The following GNG7 variants were observed in gnomAD, a reference collection of about 807,000 sequenced individuals.
The protein encoded by GNG7 is guanine nucleotide-binding protein G(I)/G(S)/G(O) subunit gamma-7.
GNG7 carries 1 observed loss-of-function variant against 4.0 expected under a neutral mutation model. That is an observed-to-expected ratio of 0.25 (90% CI 0.09 to 1.18). The LOEUF is 1.18. GNG7 is among the 50% of genes most tolerant of loss of function. The pLI is 0.50. For missense variants in GNG7, 86 were observed against 91.9 expected, an observed-to-expected ratio of 0.94 and a Z score of 0.26; for synonymous variants, 34 against 36.9, an observed-to-expected ratio of 0.92 and a Z score of 0.29.
In GNG7 at chr19:2,573,212, G is replaced by A. The variant is rs563736376; in HGVS notation, c.-77-18024C>T. Among the ~76,000 whole-genome samples, 10 of 151,044 alleles carry A rather than the reference G, an allele frequency of 6.6e-5. No individual in the cohort carries two copies. In the East Asian group the frequency reaches 1.6e-3, roughly 24 times the overall value. On this transcript the variant is annotated intron_variant, in intron 2 of 4. Coordinates refer to ENST00000382159, the MANE Select transcript of GNG7 (RefSeq NM_052847.3). Reference sequence around the variant, plus strand: ...AATTTTTTGTATTTTTAGTAGCGACGGGGTTTCACCATGCTGCCCAGGCTG... The same window carrying A: ...AATTTTTTGTATTTTTAGTAGCGACAGGGTTTCACCATGCTGCCCAGGCTG...
At chr19:2,568,860 AC>A (rs1980052304) in intron 2 of GNG7, among the ~76,000 whole-genome samples, 1 of 152,118 alleles carries the variant, frequency 6.6e-6, no homozygotes, top group Non-Finnish European at 1.5e-5. Flanking sequence ...ACACAAATAT[AC>A]ACACAAGTAC....
intron 1 of GNG7, among the ~76,000 whole-genome samples, chr19:2,652,849 G>C (rs1398461429): frequency 6.6e-6 from 1 of 152,168 alleles, no homozygotes; most frequent in African/African-American, 2.4e-5. Context: ...TTGGGAGGTT[G>C]AGGTGGGAGG....
chr19:2,657,351 AAAAAAAAAAAATATATATATAT>A (rs57506478), intron 1 of GNG7, among the ~76,000 whole-genome samples: 269 of 21,878 alleles, frequency 0.012, 28 homozygotes, highest in African/African-American at 0.023. Context: ...AAAAAAAAAA[AAAAAAAAAAAATATATATATAT>A]ATATATATAT....
At position 2,588,562 on chromosome 19, in the gene GNG7, C is replaced by T. The variant is rs576451212; in HGVS notation, c.-77-33374G>A. ...GGCGGCGGCAGCTGGACGCGGGCCC[C>T]GTGGAACTTTCTCCCGTCAGTCAGG... On this transcript the variant is annotated intron_variant, in intron 2 of 4. Transcript: ENST00000382159. Among the ~76,000 whole-genome samples the T allele has an allele frequency of 3.9e-5, 6 of 152,342 alleles. No individual in the cohort carries two copies. The East Asian group carries it at 9.6e-4, about 24-fold the overall frequency.
chr19:2,615,629 A>ATTTTTTTTTTTTTTTTTTT (rs1195029403), intron 2 of GNG7, among the ~76,000 whole-genome samples: 3 of 149,416 alleles, frequency 2.0e-5, no homozygotes, highest in Non-Finnish European at 4.5e-5. Context: ...CGCCTGGCTA[A>ATTTTTTTTTTTTTTTTTTT]TTTTTTTGTA....
At chr19:2,586,414 A>G (rs112915933) in intron 2 of GNG7, among the ~76,000 whole-genome samples, 1 of 152,174 alleles carries the variant, frequency 6.6e-6, no homozygotes, top group Non-Finnish European at 1.5e-5. Flanking sequence ...CGAGGGCCGC[A>G]AATGGGGAAT....
intron 2 of GNG7, among the ~76,000 whole-genome samples, chr19:2,605,804 A>G (rs1981367619): frequency 6.6e-6 from 1 of 151,950 alleles, no homozygotes; most frequent in South Asian, 2.1e-4. Flanking sequence ...GAGCCACCGC[A>G]GCCTGCCAAA....
intron 2 of GNG7, among the ~76,000 whole-genome samples, chr19:2,646,001 A>G (rs891699253): frequency 2.0e-5 from 3 of 152,116 alleles, no homozygotes; most frequent in African/African-American, 7.2e-5. Context: ...AGGACCAGTG[A>G]GTGCCACGTT....
intron 4 of GNG7, among the ~76,000 whole-genome samples, chr19:2,519,376 G>C (rs1029669216): frequency 2.0e-5 from 3 of 151,306 alleles, no homozygotes; most frequent in African/African-American, 7.3e-5. Flanking sequence ...GGCTGGTCTC[G>C]AACCCCTGAC....
intron 2 of GNG7, among the ~76,000 whole-genome samples, chr19:2,589,121 T>C (rs1599408159): frequency 6.6e-6 from 1 of 151,240 alleles, no homozygotes; most frequent in East Asian, 2.0e-4. Flanking sequence ...AGAGATGGGG[T>C]TTCTCCACCT....
At chr19:2,594,511 A>AGC (rs1347348734) in intron 2 of GNG7, among the ~76,000 whole-genome samples, 1 of 152,212 alleles carries the variant, frequency 6.6e-6, no homozygotes, top group African/African-American at 2.4e-5. Flanking sequence ...CACAGCCTGA[A>AGC]GCACGCAGGC....
At position 2,547,748 on chromosome 19, in the gene GNG7, G is replaced by A. The variant is rs1236188073; in HGVS notation, c.-38+7401C>T. Among the ~76,000 whole-genome samples, 6 of 152,248 alleles carry A rather than the reference G, an allele frequency of 3.9e-5. 1 individual carries two copies. Among genetic ancestry groups the A allele is most frequent in the Non-Finnish European group, 1.5e-5 (1 of 68,036 alleles). ...GGCCATGGTGCAGGGAGTTCACAAA[G>A]GGTGTTACTTCCTGGAACCCACTCT... On this transcript the variant is annotated intron_variant, in intron 3 of 4. Transcript: ENST00000382159.
chr19:2,676,452 G>A (rs533459303), intron 1 of GNG7, among the ~76,000 whole-genome samples: 57 of 152,168 alleles, frequency 3.7e-4, no homozygotes, highest in African/African-American at 1.3e-3. Flanking sequence ...TATCTCTGCC[G>A]CCCAGGCTAG....
chr19:2,651,473 CTT>C (rs1434374719), intron 1 of GNG7, among the ~76,000 whole-genome samples: 5 of 144,956 alleles, frequency 3.4e-5, no homozygotes, highest in African/African-American at 5.1e-5. Flanking sequence ...TTCTCTTTTT[CTT>C]TCTCTCTCTT....
intron 1 of GNG7, among the ~76,000 whole-genome samples, chr19:2,659,591 T>TGAAAAAAA (rs1983090276): frequency 3.3e-5 from 1 of 30,348 alleles, no homozygotes; most frequent in Non-Finnish European, 5.7e-5. Flanking sequence ...AGACTCCATC[T>TGAAAAAAA]TAAAAAAAAA....
Position 2,520,705 on chromosome 19 carries a change from TG to T in GNG7, c.-18del. 6.7e-7 allele frequency: 1 copy of T among 1,482,808 alleles called. No individual in the cohort carries two copies. Among genetic ancestry groups the T allele is most frequent in the Non-Finnish European group, 9.2e-7 (1 of 1,084,636 alleles). 91.9% of individuals were successfully genotyped at this position (1,482,808 alleles called of 1,614,324 possible). On this transcript the variant is annotated 5_prime_UTR_variant, in exon 4 of 5. Transcript: ENST00000382159. ...GGCTGACATTGTCTGCCATCAGCTC[TG>T]GGCCCCGTTGTTCAGAGAGCTGTGG...
chr19:2,678,378 C>T (rs1228957898), intron 1 of GNG7, among the ~76,000 whole-genome samples: 1 of 152,166 alleles, frequency 6.6e-6, no homozygotes, highest in African/African-American at 2.4e-5. Flanking sequence ...GGTATTGTGG[C>T]ATAGCAAGGC....
At chr19:2,529,796 G>C (rs1168943587) in intron 3 of GNG7, among the ~76,000 whole-genome samples, 1 of 152,164 alleles carries the variant, frequency 6.6e-6, no homozygotes, top group African/African-American at 2.4e-5. Context: ...TTGTTCAAGG[G>C]ATAAGGGCTG....
At chr19:2,642,057 G>T (rs1025108239) in intron 2 of GNG7, 10 of 154,786 alleles carry the variant, frequency 6.5e-5, no homozygotes, top group Admixed American at 6.3e-4. Context: ...GTCTGGGGCA[G>T]GAGGTGCCTA....
Sources: allele counts gnomAD v4.1 joint callset (sites outside exome capture counted in the v4.1 genomes callset), GRCh38; gene constraint gnomAD v4.1.1; transcripts MANE v1.5; gene names NCBI Gene and HGNC (gene_info 2026-07-23, HGNC 2026-07-21).